PTPRD: variants seen among roughly 807,000 people sequenced by gnomAD.
PTPRD encodes the protein protein tyrosine phosphatase receptor type D, also known as receptor-type tyrosine-protein phosphatase delta.
Under a neutral mutation model 214.5 loss-of-function variants are expected in PTPRD, and 34 were observed. The ratio of observed to expected loss-of-function variants is 0.16; its 90% CI spans 0.12 to 0.21. PTPRD has a LOEUF of 0.21. Ranked by LOEUF, PTPRD falls within the 10% of genes least tolerant of loss-of-function variation. PTPRD has a pLI of 1.00. For synonymous variants in PTPRD, 1,128 were observed against 845.7 expected (o/e 1.33, Z -5.79); for missense variants, 2,545 against 2,398.7 (o/e 1.06, Z -1.27).
intron 11 of PTPRD, among the ~76,000 whole-genome samples, chr9:8,883,415 A>C (rs1057397421): frequency 1.3e-5 from 2 of 152,216 alleles, no homozygotes; most frequent in Non-Finnish European, 2.9e-5. Flanking sequence ...TGTTCTCCTT[A>C]GACATTCATT....
At chr9:9,822,159 T>G (rs1168263241) in intron 5 of PTPRD, among the ~76,000 whole-genome samples, 1 of 150,774 alleles carries the variant, frequency 6.6e-6, no homozygotes, top group Non-Finnish European at 1.5e-5. Flanking sequence ...ACTCCTGTAT[T>G]TTTCGCACTT....
At chr9:9,589,787 A>AC (rs2092521237) in intron 7 of PTPRD, among the ~76,000 whole-genome samples, 1 of 152,042 alleles carries the variant, frequency 6.6e-6, no homozygotes, top group South Asian at 2.1e-4. Context: ...AATTTGAACA[A>AC]CAACATGTGG....
chr9:8,958,412 G>C (rs753594897), intron 11 of PTPRD, among the ~76,000 whole-genome samples: 1 of 151,880 alleles, frequency 6.6e-6, no homozygotes, highest in Non-Finnish European at 1.5e-5. Context: ...AAAAATCAAA[G>C]GGCATGAGCA....
intron 7 of PTPRD, among the ~76,000 whole-genome samples, chr9:9,629,385 G>A (rs987915770): frequency 1.1e-4 from 16 of 151,454 alleles, no homozygotes; most frequent in Non-Finnish European, 1.3e-4. Flanking sequence ...TTTATTTCAG[G>A]ACTGTTTTCT....
intron 14 of PTPRD, among the ~76,000 whole-genome samples, chr9:8,529,971 A>G (rs965140292): frequency 3.3e-5 from 5 of 152,106 alleles, no homozygotes; most frequent in African/African-American, 9.7e-5. Context: ...GGCCACTGAT[A>G]AATTTTCATA....
chr9:10,055,618 G>A (rs2097619467), intron 3 of PTPRD, among the ~76,000 whole-genome samples: 1 of 151,974 alleles, frequency 6.6e-6, no homozygotes, highest in Non-Finnish European at 1.5e-5. Flanking sequence ...CACAATATCT[G>A]AGATTTCATT....
intron 34 of PTPRD, 69 bp from the exon 35 acceptor site, chr9:8,436,758 T>C (rs748015016): frequency 1.8e-4 from 220 of 1,198,352 alleles, no homozygotes; most frequent in Middle Eastern, 9.4e-4. Flanking sequence ...TTCCAAAATA[T>C]AGAGAATACT....
intron 12 of PTPRD, among the ~76,000 whole-genome samples, chr9:8,666,212 C>T (rs2097168107): frequency 6.6e-6 from 1 of 152,118 alleles, no homozygotes; most frequent in Non-Finnish European, 1.5e-5. Flanking sequence ...AAAGTGTCAA[C>T]ATTTGAGCAA....
chr9:9,191,627 T>C (rs928598741), intron 9 of PTPRD, among the ~76,000 whole-genome samples: 1 of 152,132 alleles, frequency 6.6e-6, no homozygotes, highest in Non-Finnish European at 1.5e-5. Flanking sequence ...CAGAGATGCC[T>C]GATGATGACC....
chr9:9,437,926 T>C (rs2085975302), intron 8 of PTPRD, among the ~76,000 whole-genome samples: 1 of 152,204 alleles, frequency 6.6e-6, no homozygotes, highest in East Asian at 1.9e-4. Flanking sequence ...ATTCATTGTC[T>C]CACAGTTCTG....
intron 12 of PTPRD, among the ~76,000 whole-genome samples, chr9:8,702,086 A>G (rs10977255): frequency 6.6e-6 from 1 of 151,944 alleles, no homozygotes; most frequent in Non-Finnish European, 1.5e-5. Flanking sequence ...GTGTCACTTT[A>G]GTTTGCTCTC....
At chr9:8,779,168 A>C (rs1363642294) in intron 11 of PTPRD, among the ~76,000 whole-genome samples, 3 of 152,192 alleles carry the variant, frequency 2.0e-5, no homozygotes, top group African/African-American at 7.2e-5. Flanking sequence ...GGCTGACAGA[A>C]AAATAACAGC....
chr9:9,851,462 A>G (rs1265149136), intron 5 of PTPRD, among the ~76,000 whole-genome samples: 1 of 152,208 alleles, frequency 6.6e-6, no homozygotes, highest in Non-Finnish European at 1.5e-5. Context: ...GTTTTGGTTC[A>G]AGTGAAGTTA....
At chr9:10,033,182 G>A (rs917663266) in intron 4 of PTPRD, among the ~76,000 whole-genome samples, 1 of 151,640 alleles carries the variant, frequency 6.6e-6, no homozygotes, top group Non-Finnish European at 1.5e-5. Flanking sequence ...GAGAGAGAGA[G>A]AGTTGGCAAA....
At chr9:10,342,338 G>A (rs371918081) in intron 2 of PTPRD, among the ~76,000 whole-genome samples, 2 of 152,036 alleles carry the variant, frequency 1.3e-5, no homozygotes, top group South Asian at 4.1e-4. Context: ...TAACATGTTT[G>A]TAAATAAGCA....
chr9:8,821,227 A>G (rs1039894389), intron 11 of PTPRD, among the ~76,000 whole-genome samples: 7 of 152,216 alleles, frequency 4.6e-5, no homozygotes, highest in African/African-American at 1.7e-4. Context: ...CACAGTTGGT[A>G]GCTGGCCACA....
intron 8 of PTPRD, among the ~76,000 whole-genome samples, chr9:9,518,272 A>C (rs1181083800): frequency 6.6e-6 from 1 of 152,122 alleles, no homozygotes; most frequent in African/African-American, 2.4e-5. Flanking sequence ...TAACAAGCAT[A>C]AACTTTATCC....
intron 9 of PTPRD, among the ~76,000 whole-genome samples, chr9:9,203,311 T>C (rs1234542053): frequency 6.6e-6 from 1 of 152,034 alleles, no homozygotes; most frequent in African/African-American, 2.4e-5. Context: ...AAAGCCTAGG[T>C]GATGGAGTCA....
At chr9:10,612,041 G>A (rs2081138851) in intron 2 of PTPRD, among the ~76,000 whole-genome samples, 1 of 151,644 alleles carries the variant, frequency 6.6e-6, no homozygotes. Context: ...AGCCAGTAGG[G>A]TTAGATTTTT....
Sources: allele counts gnomAD v4.1 joint callset (sites outside exome capture counted in the v4.1 genomes callset), GRCh38; gene constraint gnomAD v4.1.1; transcripts MANE v1.5; gene names NCBI Gene and HGNC (gene_info 2026-07-23, HGNC 2026-07-21).